The following ACCSL variants were observed in gnomAD, a reference collection of about 807,000 sequenced individuals.
ACCSL encodes the protein 1-aminocyclopropane-1-carboxylate synthase homolog (inactive) like, also known as probable inactive 1-aminocyclopropane-1-carboxylate synthase-like protein 2.
ACCSL carries 55 observed loss-of-function variants against 61.7 expected under a neutral mutation model. The ratio of observed to expected loss-of-function variants is 0.89; its 90% CI spans 0.72 to 1.12. The LOEUF (loss-of-function observed/expected upper bound fraction) is 1.12. Ranked by LOEUF, ACCSL falls within the 50% of genes most tolerant of loss-of-function variation. ACCSL has a pLI of 0.00. For missense variants in ACCSL, 632 were observed against 698.0 expected (o/e 0.91, Z 1.07); for synonymous variants, 258 against 264.3 (o/e 0.98, Z 0.23).
the ACCSL span, among the ~76,000 whole-genome samples, chr11:43,965,635 AAGGCACCC>A: frequency 6.6e-6 from 1 of 152,212 alleles, no homozygotes; most frequent in Admixed American, 6.5e-5. Flanking sequence ...GTAGAATTGC[AAGGCACCC>A]TGAATAGATA....
chr11:43,959,690 C>G, the ACCSL span, among the ~76,000 whole-genome samples: 1 of 152,178 alleles, frequency 6.6e-6, no homozygotes, highest in African/African-American at 2.4e-5. Context: ...GCCCTCCCAG[C>G]TTTAAGTCCT....
the ACCSL span, among the ~76,000 whole-genome samples, chr11:43,961,136 A>C: frequency 2.6e-5 from 4 of 151,934 alleles, no homozygotes; most frequent in Admixed American, 6.6e-5. Context: ...CCTAGTTTTT[A>C]ATTTATTTTT....
the ACCSL span, among the ~76,000 whole-genome samples, chr11:43,941,817 C>T: frequency 1.3e-5 from 2 of 152,126 alleles, no homozygotes; most frequent in African/African-American, 4.8e-5. Context: ...GGATAATATA[C>T]GTAAAACAGA....
At chr11:44,022,186 A>C in the ACCSL span, among the ~76,000 whole-genome samples, 4 of 151,934 alleles carry the variant, frequency 2.6e-5, no homozygotes. Flanking sequence ...AATTGCATTG[A>C]ATTTGTAGAC....
intron 3 of ACCSL, 65 bp from the exon 4 acceptor site, chr11:44,051,269 AC>A (rs1554987570): frequency 2.5e-5 from 38 of 1,531,250 alleles, no homozygotes; most frequent in Non-Finnish European, 1.8e-6. Flanking sequence ...CTGGACAATG[AC>A]CATCTAGACC....
chr11:43,936,316 G>A, the ACCSL span, among the ~76,000 whole-genome samples: 20 of 152,350 alleles, frequency 1.3e-4, no homozygotes, highest in Admixed American at 9.1e-4. Context: ...TCTGAAGCAG[G>A]AATTTCTTGG....
intron 9 of ACCSL, 99 bp from the exon 10 acceptor site, chr11:44,055,941 G>C (rs1318354567): frequency 1.4e-6 from 2 of 1,432,092 alleles, no homozygotes; most frequent in Non-Finnish European, 9.7e-7. Context: ...AGGCCCTTCT[G>C]TCTAGGACCA....
chr11:43,969,357 C>T, the ACCSL span, among the ~76,000 whole-genome samples: 1 of 151,966 alleles, frequency 6.6e-6, no homozygotes, highest in South Asian at 2.1e-4. Context: ...TGAGACCCTG[C>T]CCTGTCTCAA....
At chr11:43,934,135 C>G in the ACCSL span, among the ~76,000 whole-genome samples, 1 of 152,188 alleles carries the variant, frequency 6.6e-6, no homozygotes, top group African/African-American at 2.4e-5. Flanking sequence ...CCTCTCCTCT[C>G]TCTCCCTCTC....
At chr11:44,018,598 A>G in the ACCSL span, among the ~76,000 whole-genome samples, 2 of 152,204 alleles carry the variant, frequency 1.3e-5, no homozygotes, top group African/African-American at 4.8e-5. Context: ...TCCATTCTAG[A>G]TGGGTTTCTA....
chr11:44,035,936 T>TAAAAAAAAAAAAAAAA, the ACCSL span, among the ~76,000 whole-genome samples: 1 of 79,090 alleles, frequency 1.3e-5, no homozygotes, highest in Non-Finnish European at 2.4e-5. Flanking sequence ...AGACTCTGTG[T>TAAAAAAAAAAAAAAAA]AAAAAAAAAA....
the ACCSL span, among the ~76,000 whole-genome samples, chr11:43,933,751 ATTCTTGGGAGGTC>A: frequency 5.3e-5 from 8 of 152,016 alleles, no homozygotes; most frequent in African/African-American, 9.7e-5. Flanking sequence ...GCTGGGCTTG[ATTCTTGGGAGGTC>A]TTCTTGGGAG....
the ACCSL span, among the ~76,000 whole-genome samples, chr11:43,949,205 C>T: frequency 6.6e-6 from 1 of 152,192 alleles, no homozygotes; most frequent in Non-Finnish European, 1.5e-5. Flanking sequence ...GCTGGCACCC[C>T]CCTCCAACTC....
At chr11:44,043,166 A>C (rs550271223), upstream of ACCSL, among the ~76,000 whole-genome samples, 1 of 152,270 alleles carries the variant, frequency 6.6e-6, no homozygotes. Context: ...AAGTCTGATA[A>C]GATTCATAAG....
At chr11:44,036,555 G>T in the ACCSL span, among the ~76,000 whole-genome samples, 97 of 152,252 alleles carry the variant, frequency 6.4e-4, no homozygotes, top group African/African-American at 2.1e-3. Flanking sequence ...GCCAAGGTAG[G>T]TGGATCACTT....
At chr11:44,008,212 C>T in the ACCSL span, among the ~76,000 whole-genome samples, 1 of 152,166 alleles carries the variant, frequency 6.6e-6, no homozygotes, top group Non-Finnish European at 1.5e-5. Context: ...CAAGCAGATG[C>T]TCAGAGATGG....
the ACCSL span, chr11:43,947,245 G>A: frequency 3.9e-5 from 6 of 152,206 alleles, no homozygotes; most frequent in Non-Finnish European, 7.3e-5. Flanking sequence ...ACATTGCCGT[G>A]GGGAGGGCAC....
At chr11:44,006,499 ATTTTTTTTT>A in the ACCSL span, among the ~76,000 whole-genome samples, 2 of 89,456 alleles carry the variant, frequency 2.2e-5, no homozygotes, top group African/African-American at 4.7e-5. Flanking sequence ...CCTCTTTGAG[ATTTTTTTTT>A]TTTTTTTTTT....
At chr11:44,041,133 T>C in the ACCSL span, among the ~76,000 whole-genome samples, 1 of 152,262 alleles carries the variant, frequency 6.6e-6, no homozygotes, top group Admixed American at 6.5e-5. Flanking sequence ...GGTAATATTG[T>C]GGTTCAGAGA....
Sources: allele counts gnomAD v4.1 joint callset (sites outside exome capture counted in the v4.1 genomes callset), GRCh38; gene constraint gnomAD v4.1.1; transcripts MANE v1.5; gene names NCBI Gene and HGNC (gene_info 2026-07-23, HGNC 2026-07-21).